MCC: variants seen among roughly 807,000 people sequenced by gnomAD.
MCC encodes the protein colorectal mutant cancer protein.
Under a neutral mutation model 116.2 loss-of-function variants are expected in MCC, and 90 were observed. The observed-to-expected ratio is 0.77, with a 90% CI of 0.65 to 0.92. The LOEUF is 0.92. MCC is among the 40% of genes least tolerant of loss of function. The pLI, the probability that MCC is intolerant of heterozygous loss-of-function variation, is 0.00. For synonymous variants in MCC, 578 were observed against 510.5 expected (o/e 1.13, Z -1.78); for missense variants, 1,516 against 1,312.2 (o/e 1.16, Z -2.40).
chr5:113,136,366 T>C (rs1008440535), intron 5 of MCC, among the ~76,000 whole-genome samples: 5 of 152,184 alleles, frequency 3.3e-5, no homozygotes, highest in African/African-American at 1.2e-4. Context: ...AAAATAGACC[T>C]ACTGATGGTA....
chr5:113,394,403 T>A (rs1230870291), intron 1 of MCC, among the ~76,000 whole-genome samples: 1 of 152,186 alleles, frequency 6.6e-6, no homozygotes, highest in Non-Finnish European at 1.5e-5. Flanking sequence ...AATCCTTTAT[T>A]TGCTCCCCAC....
intron 3 of MCC, among the ~76,000 whole-genome samples, chr5:113,215,699 G>A (rs538706171): frequency 5.3e-5 from 8 of 152,254 alleles, no homozygotes; most frequent in African/African-American, 1.9e-4. Flanking sequence ...CAGACAATAA[G>A]CCTGCCGGCG....
intron 2 of MCC, among the ~76,000 whole-genome samples, chr5:113,380,058 T>C (rs1769078105): frequency 6.6e-6 from 1 of 152,214 alleles, no homozygotes; most frequent in African/African-American, 2.4e-5. Flanking sequence ...GAGGAATGAA[T>C]CTATGGAAAT....
chr5:113,462,771 A>C (rs1771778913), intron 1 of MCC, among the ~76,000 whole-genome samples: 1 of 152,238 alleles, frequency 6.6e-6, no homozygotes, highest in African/African-American at 2.4e-5. Context: ...AAAGGACTTC[A>C]TTGATTCTTT....
intron 1 of MCC, among the ~76,000 whole-genome samples, chr5:113,444,558 C>T (rs548384042): frequency 2.1e-4 from 32 of 152,272 alleles, no homozygotes; most frequent in African/African-American, 7.7e-4. Context: ...ACTATATAGC[C>T]TTGAGAACAA....
chr5:113,349,016 G>A (rs1768201750), intron 2 of MCC, among the ~76,000 whole-genome samples: 1 of 151,856 alleles, frequency 6.6e-6, no homozygotes, highest in Non-Finnish European at 1.5e-5. Context: ...AAGCAATCCA[G>A]AACCTGAACA....
intron 6 of MCC, among the ~76,000 whole-genome samples, chr5:113,104,878 T>C (rs1756641149): frequency 6.6e-6 from 1 of 152,360 alleles, no homozygotes; most frequent in Admixed American, 6.5e-5. Context: ...ACTGTTGCAA[T>C]TTAATCCATG....
chr5:113,413,050 T>C (rs902957135), intron 1 of MCC, among the ~76,000 whole-genome samples: 8 of 152,238 alleles, frequency 5.3e-5, no homozygotes, highest in Non-Finnish European at 8.8e-5. Flanking sequence ...TGTCGTTGGT[T>C]CTGTTCATGT....
intron 3 of MCC, among the ~76,000 whole-genome samples, chr5:113,197,552 C>T (rs1258689269): frequency 1.3e-5 from 2 of 152,182 alleles, no homozygotes; most frequent in Non-Finnish European, 2.9e-5. Flanking sequence ...CCCTAGCACA[C>T]AGGAAGCCTG....
At chr5:113,032,488 T>C (rs1383907264) in intron 17 of MCC, among the ~76,000 whole-genome samples, 3 of 151,964 alleles carry the variant, frequency 2.0e-5, no homozygotes, top group African/African-American at 7.3e-5. Flanking sequence ...GTTATTAAAA[T>C]TAATTTCATG....
At chr5:113,315,231 A>C (rs920180558) in intron 3 of MCC, among the ~76,000 whole-genome samples, 1 of 152,182 alleles carries the variant, frequency 6.6e-6, no homozygotes, top group African/African-American at 2.4e-5. Flanking sequence ...TCATCCCTTC[A>C]TGCCTGCTAG....
chr5:113,180,212 C>T (rs1761551273), intron 3 of MCC, among the ~76,000 whole-genome samples: 2 of 152,090 alleles, frequency 1.3e-5, no homozygotes, highest in African/African-American at 4.8e-5. Flanking sequence ...TTGCCATGTT[C>T]TCATTTCTAC....
chr5:113,277,465 T>C (rs1428539033), intron 3 of MCC, among the ~76,000 whole-genome samples: 1 of 152,248 alleles, frequency 6.6e-6, no homozygotes, highest in Non-Finnish European at 1.5e-5. Context: ...ATATGCACTA[T>C]TTTTATGATC....
At chr5:113,044,592 G>A in intron 16 of MCC, 2 of 547,238 alleles carry the variant, frequency 3.7e-6, no homozygotes, top group Admixed American at 6.3e-5. Context: ...TTTGTTTTTT[G>A]AGATGGAGTT....
At chr5:113,109,836 A>G (rs1201325879) in intron 6 of MCC, among the ~76,000 whole-genome samples, 1 of 152,156 alleles carries the variant, frequency 6.6e-6, no homozygotes, top group Non-Finnish European at 1.5e-5. Flanking sequence ...GAAGAAAGAG[A>G]TATGGGAAGT....
intron 5 of MCC, among the ~76,000 whole-genome samples, chr5:113,138,348 T>A (rs558155145): frequency 6.6e-6 from 1 of 152,194 alleles, no homozygotes; most frequent in Non-Finnish European, 1.5e-5. Context: ...TAACATCCAA[T>A]GTGATGGTGT....
At chr5:113,137,766 C>G (rs1758926139) in intron 5 of MCC, among the ~76,000 whole-genome samples, 1 of 152,174 alleles carries the variant, frequency 6.6e-6, no homozygotes, top group South Asian at 2.1e-4. Context: ...CACTTCCATT[C>G]TCTCAATCCA....
chr5:113,469,596 C>T (rs1464826333), intron 1 of MCC, among the ~76,000 whole-genome samples: 1 of 152,170 alleles, frequency 6.6e-6, no homozygotes, highest in African/African-American at 2.4e-5. Flanking sequence ...GAGTGCTTTA[C>T]TTCCAACTAT....
chr5:113,475,933 G>A (rs1772223897), intron 1 of MCC, among the ~76,000 whole-genome samples: 1 of 152,120 alleles, frequency 6.6e-6, no homozygotes, highest in Admixed American at 6.5e-5. Flanking sequence ...AATTCCTGTT[G>A]CAAAGATTAC....
Sources: allele counts gnomAD v4.1 joint callset (sites outside exome capture counted in the v4.1 genomes callset), GRCh38; gene constraint gnomAD v4.1.1; transcripts MANE v1.5; gene names NCBI Gene and HGNC (gene_info 2026-07-23, HGNC 2026-07-21).